SPTBN1: variants seen among roughly 807,000 people sequenced by gnomAD.
SPTBN1 encodes spectrin beta, non-erythrocytic 1.
In SPTBN1, 32 loss-of-function variants were observed where a neutral mutation model predicts 266.4. The ratio of observed to expected loss-of-function variants is 0.12; its 90% confidence interval spans 0.09 to 0.16. The LOEUF is 0.16. SPTBN1 is among the 10% of genes least tolerant of loss of function. The pLI is 1.00. For missense variants in SPTBN1, 2,296 were observed against 3,067.1 expected, an observed-to-expected ratio of 0.75 and a Z score of 5.94; for synonymous variants, 1,336 against 1,162.2, an observed-to-expected ratio of 1.15 and a Z score of -3.04.
At chr2:54,637,250 GT>G (rs922743345) in intron 17 of SPTBN1, among the ~76,000 whole-genome samples, 2 of 151,934 alleles carry the variant, frequency 1.3e-5, no homozygotes, top group South Asian at 4.1e-4. Flanking sequence ...TTTTTGGTGA[GT>G]TTTTTTCAAG....
At position 54,626,201 on chromosome 2, in the gene SPTBN1, G is replaced by A; in HGVS notation, c.1611G>A (p.Met537Ile). Residue 537 changes from methionine (M) to isoleucine (I), a missense_variant, in exon 12 of 36, where the codon ATG (methionine) becomes ATA (isoleucine). Physicochemically the swap from Met to Ile is conservative, Grantham distance 10. Coordinates refer to ENST00000356805, the MANE Select transcript of SPTBN1 (RefSeq NM_003128.3). The surrounding 1 kb of genome is among the most constrained non-coding windows in gnomAD (Gnocchi z 4.7). ...NLGLQKIFQE[M>I]LYIMDWMDEM... The stretch of plus-strand genomic sequence containing the variant: ...GGCTGCAGAAGATATTCCAGGAAAT[G>A]CTCTACATTATGGACTGGATGGATG... 1 of 1,614,196 alleles carries A rather than the reference G, an allele frequency of 6.2e-7. No individual in the cohort carries two copies. Among genetic ancestry groups the A allele is most frequent in the Non-Finnish European group, 8.5e-7 (1 of 1,180,032 alleles).
At chr2:54,541,939 C>G (rs1214682879) in intron 2 of SPTBN1, among the ~76,000 whole-genome samples, 1 of 152,092 alleles carries the variant, frequency 6.6e-6, no homozygotes, top group East Asian at 1.9e-4. Flanking sequence ...TATTCTATTC[C>G]ATTTTTTAAA....
At chr2:54,495,994 T>A (rs1668948875) in intron 1 of SPTBN1, among the ~76,000 whole-genome samples, 1 of 152,144 alleles carries the variant, frequency 6.6e-6, no homozygotes, top group South Asian at 2.1e-4. Flanking sequence ...GATGGTCCCC[T>A]TCTAGAAGTA....
intron 2 of SPTBN1, among the ~76,000 whole-genome samples, chr2:54,597,150 A>G (rs1397294030): frequency 6.6e-6 from 1 of 152,198 alleles, no homozygotes; most frequent in Non-Finnish European, 1.5e-5. Context: ...ATAATTCACA[A>G]AAAAAATTGT....
At chr2:54,538,422 A>G (rs146068605) in intron 2 of SPTBN1, among the ~76,000 whole-genome samples, 2 of 152,352 alleles carry the variant, frequency 1.3e-5, no homozygotes, top group East Asian at 1.9e-4. Context: ...TAAGTACTCT[A>G]TTAACACTTT....
At chr2:54,476,959 A>G (rs76486999) in intron 1 of SPTBN1, among the ~76,000 whole-genome samples, 103 of 152,190 alleles carry the variant, frequency 6.8e-4, no homozygotes, top group African/African-American at 2.4e-3. Context: ...TTGACCACAT[A>G]TCTTAGTGGT....
At chr2:54,641,152 T>A (rs2104014307) in intron 18 of SPTBN1, among the ~76,000 whole-genome samples, 2 of 152,348 alleles carry the variant, frequency 1.3e-5, no homozygotes, top group African/African-American at 4.8e-5. Flanking sequence ...ATAATAACTG[T>A]AGCTTTGGTT....
chr2:54,644,328 A>C lies in SPTBN1; in HGVS notation c.4011A>C (p.Gly1337=). The C allele has an allele frequency of 1.9e-6, 3 of 1,603,522 alleles. No individual in the cohort carries two copies. Among genetic ancestry groups the C allele is most frequent in the Non-Finnish European group, 2.6e-6 (3 of 1,171,150 alleles). The part of the protein sequence containing the change: ...KEWLDKIEKE[G]MQLISEKPET... ...ATGTTGGTTTTGTTTTCCAGGAAGG[A>C]ATGCAGCTCATTTCAGAAAAGCCTG... The change falls in exon 20 of 36, where the codon GGA becomes GGC. Residue 1337 remains glycine, a synonymous_variant. Coordinates refer to ENST00000356805, the MANE Select transcript of SPTBN1 (RefSeq NM_003128.3).
At chr2:54,615,094 C>G (rs1572685714) in intron 4 of SPTBN1, among the ~76,000 whole-genome samples, 1 of 151,944 alleles carries the variant, frequency 6.6e-6, no homozygotes, top group South Asian at 2.1e-4. Flanking sequence ...GGGGTTTATA[C>G]AGACTCAGGC....
At chr2:54,464,929 T>G (rs139103761) in intron 1 of SPTBN1, among the ~76,000 whole-genome samples, 1,792 of 152,286 alleles carry the variant, frequency 0.012, 15 homozygotes, top group Non-Finnish European at 0.019. Context: ...TGAACTCAAG[T>G]GATCTGCCTG....
intron 3 of SPTBN1, among the ~76,000 whole-genome samples, chr2:54,603,518 C>G (rs1038068534): frequency 1.3e-5 from 2 of 152,170 alleles, no homozygotes; most frequent in African/African-American, 4.8e-5. Flanking sequence ...TGCAGCCCAC[C>G]CTGCTGACTC....
chr2:54,577,779 G>C (rs1316755378), intron 2 of SPTBN1, among the ~76,000 whole-genome samples: 2 of 152,200 alleles, frequency 1.3e-5, no homozygotes, highest in South Asian at 2.1e-4. Flanking sequence ...TAACCATCTT[G>C]CTGTGCTGCC....
At chr2:54,506,558 G>C (rs924079286) in intron 1 of SPTBN1, among the ~76,000 whole-genome samples, 3 of 151,884 alleles carry the variant, frequency 2.0e-5, no homozygotes, top group African/African-American at 7.3e-5. Flanking sequence ...TAGGGAAAGT[G>C]CTTCTAATAC....
intron 1 of SPTBN1, among the ~76,000 whole-genome samples, chr2:54,503,457 C>A (rs1669383142): frequency 6.6e-6 from 1 of 152,184 alleles, no homozygotes; most frequent in African/African-American, 2.4e-5. Flanking sequence ...TCAGAGAAAT[C>A]TCTTTGACAC....
intron 1 of SPTBN1, among the ~76,000 whole-genome samples, chr2:54,469,404 T>TG (rs1310824410): frequency 1.3e-5 from 2 of 152,226 alleles, no homozygotes; most frequent in Non-Finnish European, 1.5e-5. Flanking sequence ...AGGTCAGTGT[T>TG]GGCCCTTTTC....
At chr2:54,621,629 T>C in intron 8 of SPTBN1, 117 bp downstream of exon 8, 1 of 707,720 alleles carries the variant, frequency 1.4e-6, no homozygotes, top group South Asian at 1.8e-5. Flanking sequence ...CTCCGGATGG[T>C]AGGGAAATCG....
At position 54,593,823 on chromosome 2, in the gene SPTBN1, CTTTT is replaced by C. The variant is rs374877354; in HGVS notation, c.149-5245_149-5242del. On this transcript the variant is annotated intron_variant, in intron 2 of 35. Coordinates refer to ENST00000356805, the MANE Select transcript of SPTBN1 (RefSeq NM_003128.3). The stretch of plus-strand genomic sequence containing the variant: ...TTCTAAGTCTTGTATCATGGAAACA[CTTTT>C]TTTTTTTTTTTTTTTTTTTTTTTGA... 5.7e-4 allele frequency among the ~76,000 whole-genome samples: 37 copies of C among 64,792 alleles called. No individual in the cohort carries two copies. In the Admixed American group the frequency reaches 5.7e-3, roughly 10 times the overall value. The allele number at this position is 64,792 out of a possible 152,430, so 42.5% of individuals were successfully genotyped here.
chr2:54,493,269 G>A (rs1456226175), intron 1 of SPTBN1, among the ~76,000 whole-genome samples: 1 of 152,104 alleles, frequency 6.6e-6, no homozygotes, highest in African/African-American at 2.4e-5. Flanking sequence ...GCCTCCCAAA[G>A]TGTTGGAATT....
intron 2 of SPTBN1, 39 bp from the exon 3 acceptor site, chr2:54,599,053 C>G: frequency 3.7e-6 from 6 of 1,607,310 alleles, no homozygotes; most frequent in South Asian, 1.1e-5. Context: ...CCTGCCAGTT[C>G]TGTGGTCAAT....
Sources: allele counts gnomAD v4.1 joint callset (sites outside exome capture counted in the v4.1 genomes callset), GRCh38; gene constraint gnomAD v4.1.1; non-coding constraint Gnocchi (gnomAD v3.1); transcripts MANE v1.5; gene names NCBI Gene and HGNC (gene_info 2026-07-23, HGNC 2026-07-21).